Variants in NIBAN1 observed in about 807,000 individuals in gnomAD.
The protein encoded by NIBAN1 is niban apoptosis regulator 1, also known as protein Niban 1.
Under a neutral mutation model 75.1 loss-of-function variants are expected in NIBAN1, and 81 were observed. That is an observed-to-expected ratio of 1.08 (90% CI 0.90 to 1.30). The LOEUF is 1.30. Among genes scored for constraint, NIBAN1 ranks in the 50% most tolerant of loss-of-function variants. The pLI is 0.00. For missense variants in NIBAN1, 1,133 were observed against 1,128.1 expected (o/e 1.00, Z -0.06); for synonymous variants, 436 against 424.8 (o/e 1.03, Z -0.32).
chr1:184,858,989 CTATAA>C (rs1224958497), intron 5 of NIBAN1, among the ~76,000 whole-genome samples: 3 of 151,790 alleles, frequency 2.0e-5, no homozygotes, highest in Admixed American at 6.6e-5. Context: ...CCAAAAACCC[CTATAA>C]TATATGTAGG....
chr1:184,956,326 G>A (rs562813969), intron 1 of NIBAN1, among the ~76,000 whole-genome samples: 1 of 152,224 alleles, frequency 6.6e-6, no homozygotes, highest in East Asian at 1.9e-4. Flanking sequence ...AGAGATTATT[G>A]ATCTGGAGCC....
At chr1:184,969,063 T>A (rs1196293341) in intron 1 of NIBAN1, among the ~76,000 whole-genome samples, 1 of 152,194 alleles carries the variant, frequency 6.6e-6, no homozygotes. Flanking sequence ...TCTATCTACA[T>A]CCCATTGGCC....
intron 5 of NIBAN1, among the ~76,000 whole-genome samples, chr1:184,863,223 G>A (rs774766953): frequency 3.9e-5 from 6 of 152,106 alleles, no homozygotes; most frequent in Non-Finnish European, 8.8e-5. Flanking sequence ...ACTCTCAGTT[G>A]GTCTTATCTT....
intron 5 of NIBAN1, among the ~76,000 whole-genome samples, chr1:184,884,170 T>C (rs1363153697): frequency 2.0e-5 from 3 of 150,534 alleles, no homozygotes; most frequent in Non-Finnish European, 4.4e-5. Flanking sequence ...GAACTCTCCC[T>C]TTACCTGTTT....
At position 184,884,696 on chromosome 1, in the gene NIBAN1, C is replaced by T. The variant is rs765657339; in HGVS notation, c.538G>A (p.Glu180Lys). 27 of 1,614,042 alleles carry T rather than the reference C, an allele frequency of 1.7e-5. No homozygotes were observed. The highest frequency in any genetic ancestry group is 8.3e-5 in the Admixed American group (5 of 60,006). ...CTAAACCTCTTCTGGTCAGCAGCCTCGTGGAAGCAGAAGTAGCCGTGTCTG... is the reference window on the plus strand; with the variant it reads ...CTAAACCTCTTCTGGTCAGCAGCCTTGTGGAAGCAGAAGTAGCCGTGTCTG... ...FFRHGYFCFH[E>K]AADQKRFSAL... is the part of the protein sequence containing the mutation. Residue 180 changes from glutamate (E) to lysine (K), a missense_variant, in exon 5 of 14, where the codon GAG (glutamate) becomes AAG (lysine). Physicochemically the swap from Glu to Lys is moderately conservative, Grantham distance 56. Coordinates refer to ENST00000367511, the MANE Select transcript of NIBAN1 (RefSeq NM_052966.4).
intron 1 of NIBAN1, among the ~76,000 whole-genome samples, chr1:184,907,137 TC>T (rs1290353560): frequency 6.6e-6 from 1 of 152,234 alleles, no homozygotes. Flanking sequence ...TTTCTGCTAA[TC>T]TTTTTTCAAT....
In NIBAN1 at chr1:184,796,049, T is replaced by C. The variant is rs942827433; in HGVS notation, c.1715A>G (p.Asn572Ser). The C allele has an allele frequency of 6.3e-7, 1 of 1,586,776 alleles. No homozygotes were observed. The highest frequency in any genetic ancestry group is 1.4e-5 in the African/African-American group (1 of 73,686). The change falls in exon 14 of 14, where the codon AAC becomes AGC. Residue 572 changes from asparagine to serine, a missense_variant. By Grantham distance (46) the Asn-to-Ser change is conservative. Coordinates refer to ENST00000367511, the MANE Select transcript of NIBAN1 (RefSeq NM_052966.4). The stretch of plus-strand genomic sequence containing the variant: ...CACACTTTCACTGGGCAAGGCCATG[T>C]TATCTTCAAATAAGTTGTGTTTCTT... ...ILKKHNLFED[N>S]MALPSESVSS... is the part of the protein sequence containing the mutation.
At position 184,812,056 on chromosome 1, in the gene NIBAN1, G is replaced by C. The variant is rs1422844519; in HGVS notation, c.1174-3821C>G. ...TTTCGCTACTAACTAGTGGCCATCA[G>C]AACTTTTCAGTGTCGCTGAAATGAA... On this transcript the variant is annotated intron_variant, in intron 9 of 13. Transcript: ENST00000367511. Among the ~76,000 whole-genome samples, 6 of 152,196 alleles carry C rather than the reference G, an allele frequency of 3.9e-5. No homozygotes were observed. In the East Asian group the frequency reaches 1.2e-3, roughly 29 times the overall value.
intron 9 of NIBAN1, among the ~76,000 whole-genome samples, chr1:184,808,861 A>G (rs1654285713): frequency 1.3e-5 from 2 of 152,202 alleles, no homozygotes; most frequent in South Asian, 4.1e-4. Flanking sequence ...CACTCAGTCA[A>G]TGAGGCCATT....
intron 1 of NIBAN1, among the ~76,000 whole-genome samples, chr1:184,915,663 A>G (rs1157522097): frequency 6.6e-6 from 1 of 152,226 alleles, no homozygotes; most frequent in African/African-American, 2.4e-5. Flanking sequence ...GTGGTAAGCG[A>G]TTTTTGAAAT....
intron 6 of NIBAN1, among the ~76,000 whole-genome samples, chr1:184,827,300 G>A (rs950595665): frequency 6.6e-6 from 1 of 151,948 alleles, no homozygotes; most frequent in African/African-American, 2.4e-5. Flanking sequence ...CAAGTGCATC[G>A]CATCCCAACC....
intron 1 of NIBAN1, among the ~76,000 whole-genome samples, chr1:184,920,338 C>G (rs148504067): frequency 1.1e-4 from 16 of 152,240 alleles, no homozygotes; most frequent in African/African-American, 3.4e-4. Flanking sequence ...ATGATCAAAT[C>G]AGGGTAATTA....
intron 5 of NIBAN1, among the ~76,000 whole-genome samples, chr1:184,883,183 G>A (rs1454333858): frequency 6.6e-6 from 1 of 152,138 alleles, no homozygotes; most frequent in African/African-American, 2.4e-5. Context: ...AGGCACAATG[G>A]GTGAGGTGAC....
chr1:184,913,518 G>C (rs1657303850), intron 1 of NIBAN1, among the ~76,000 whole-genome samples: 1 of 152,078 alleles, frequency 6.6e-6, no homozygotes, highest in South Asian at 2.1e-4. Context: ...GCATACAGTT[G>C]GAATGTTTAT....
Position 184,809,684 on chromosome 1 carries a change from T to TAC in NIBAN1, c.1174-1451_1174-1450dup, listed in dbSNP as rs1191607133. 8.4e-5 allele frequency among the ~76,000 whole-genome samples: 10 copies of TAC among 119,018 alleles called. No homozygotes were observed. The South Asian group carries it at 9.5e-4, about 11-fold the overall frequency. 78.1% of individuals were successfully genotyped at this position (119,018 alleles called of 152,430 possible). On this transcript the variant is annotated intron_variant, in intron 9 of 13. Transcript: ENST00000367511. ...ATATATGTGTGTGTGTATATATATATACATATATATGTGTATACATAAAAA... is the reference window on the plus strand; with the variant it reads ...ATATATGTGTGTGTGTATATATATATACACATATATATGTGTATACATAAAAA...
intron 11 of NIBAN1, among the ~76,000 whole-genome samples, chr1:184,805,155 C>T (rs1404219011): frequency 3.3e-5 from 5 of 152,166 alleles, no homozygotes; most frequent in African/African-American, 9.7e-5. Context: ...GCATCAAGAT[C>T]AAGTCTGAAA....
At position 184,795,068 on chromosome 1, in the gene NIBAN1, G is replaced by A; in HGVS notation, c.2696C>T (p.Pro899Leu). Reference protein sequence around the residue: ...HECQWVVEDAPNPDVLLSHKD... With the variant: ...HECQWVVEDALNPDVLLSHKD... ...GTGTGACAGCAGGACATCCGGGTTTGGAGCATCCTCCACCACCCACTGACA... is the reference window on the plus strand; with the variant it reads ...GTGTGACAGCAGGACATCCGGGTTTAGAGCATCCTCCACCACCCACTGACA... The change falls in exon 14 of 14, where the codon CCA becomes CTA. Residue 899 changes from proline (P) to leucine (L), a missense_variant. Physicochemically the swap from Pro to Leu is moderately conservative, Grantham distance 98. Coordinates refer to ENST00000367511, the MANE Select transcript of NIBAN1 (RefSeq NM_052966.4). 1 of 1,614,014 alleles carries A rather than the reference G, an allele frequency of 6.2e-7. No homozygotes were observed.
chr1:184,910,486 A>G (rs562756719), intron 1 of NIBAN1, among the ~76,000 whole-genome samples: 1 of 152,302 alleles, frequency 6.6e-6, no homozygotes, highest in East Asian at 1.9e-4. Flanking sequence ...ACTTTTTTAA[A>G]GATTAGTGTC....
At chr1:184,864,773 C>T (rs984358197) in intron 5 of NIBAN1, among the ~76,000 whole-genome samples, 4 of 151,046 alleles carry the variant, frequency 2.6e-5, no homozygotes, top group Non-Finnish European at 4.4e-5. Flanking sequence ...TAAAAATGGG[C>T]AAAAGACATG....
Sources: allele counts gnomAD v4.1 joint callset (sites outside exome capture counted in the v4.1 genomes callset), GRCh38; gene constraint gnomAD v4.1.1; transcripts MANE v1.5; gene names NCBI Gene and HGNC (gene_info 2026-07-23, HGNC 2026-07-21).